Variants in CHURC1 observed in about 807,000 individuals in gnomAD.
CHURC1 encodes the protein protein Churchill.
Under a neutral mutation model 15.4 loss-of-function variants are expected in CHURC1, and 12 were observed. The ratio of observed to expected loss-of-function variants is 0.78; its 90% CI spans 0.50 to 1.27. The LOEUF (loss-of-function observed/expected upper bound fraction) is 1.27, where lower values mean the gene tolerates loss of function less well. CHURC1 is among the 50% of genes most tolerant of loss of function. The probability of loss-of-function intolerance (pLI) is 0.00; values close to 1 mark genes in which losing one functional copy is unlikely to be tolerated. For missense variants in CHURC1, 132 were observed against 137.8 expected, an observed-to-expected ratio of 0.96 and a Z score of 0.21; for synonymous variants, 42 against 47.5, an observed-to-expected ratio of 0.88 and a Z score of 0.48.
intron 3 of CHURC1, among the ~76,000 whole-genome samples, chr14:64,929,973 T>G (rs960709408): frequency 3.3e-5 from 5 of 151,928 alleles, no homozygotes; most frequent in Admixed American, 3.3e-4. Flanking sequence ...ATTGTGTGTT[T>G]ACTTCAAGAA....
In CHURC1 at chr14:64,932,458, C is replaced by G. The variant is rs1202242652; in HGVS notation, c.*228C>G. ...CATCAGTGTAGCCAGAGTGAAGCATCTTTGTTAGCAGTTATGTGGTCAGAA... is the reference window on the plus strand; with the variant it reads ...CATCAGTGTAGCCAGAGTGAAGCATGTTTGTTAGCAGTTATGTGGTCAGAA... On this transcript the variant is annotated 3_prime_UTR_variant, in exon 4 of 4. Coordinates refer to ENST00000549115, the MANE Select transcript of CHURC1 (RefSeq NM_001386928.1). 8.1e-7 allele frequency: 1 copy of G among 1,241,936 alleles called. No individual in the cohort carries two copies. The highest frequency in any genetic ancestry group is 3.4e-5 in the East Asian group (1 of 29,190). 76.9% of individuals were successfully genotyped at this position (1,241,936 alleles called of 1,614,324 possible). A position where few individuals can be genotyped will look rare whatever the true frequency, so the allele number is the denominator to read the frequency against.
chr14:64,917,303 C>T (rs1356327197), intron 1 of CHURC1, among the ~76,000 whole-genome samples: 2 of 152,182 alleles, frequency 1.3e-5, no homozygotes, highest in East Asian at 3.9e-4. Flanking sequence ...TGGCTCACGC[C>T]TATAATCCCA....
Position 64,932,217 on chromosome 14 carries a change from C to G in CHURC1, c.326C>G (p.Thr109Ser), listed in dbSNP as rs1390215227. 1 of 1,614,012 alleles carries G rather than the reference C, an allele frequency of 6.2e-7. No homozygotes were observed. Among genetic ancestry groups the G allele is most frequent in the Non-Finnish European group, 8.5e-7 (1 of 1,179,920 alleles). ...CTCCCTGATGACCCCCGACAAATGA[C>G]TCTCTTATTCTAAGGATCCTTCTAC... ...SILPDDPRQM[T>S]LLF The change falls in exon 4 of 4, where the codon ACT becomes AGT. Residue 109 changes from threonine (T) to serine (S), a missense_variant. Coordinates refer to ENST00000549115, the MANE Select transcript of CHURC1 (RefSeq NM_001386928.1).
In CHURC1 at chr14:64,932,769, A is replaced by G. The variant is rs1360175604; in HGVS notation, c.*539A>G. ...TATTGGGTTATAACCCAAACTATATAATAAATATTTACAAGCCCAAACTAA... is the reference window on the plus strand; with the variant it reads ...TATTGGGTTATAACCCAAACTATATGATAAATATTTACAAGCCCAAACTAA... On this transcript the variant is annotated 3_prime_UTR_variant, in exon 4 of 4. Coordinates refer to ENST00000549115, the MANE Select transcript of CHURC1 (RefSeq NM_001386928.1). 2 of 152,330 alleles carry G rather than the reference A, an allele frequency of 1.3e-5. No homozygotes were observed. Among genetic ancestry groups the G allele is most frequent in the Non-Finnish European group, 2.9e-5 (2 of 68,106 alleles). 9.4% of individuals were successfully genotyped at this position (152,330 alleles called of 1,614,324 possible).
At chr14:64,916,379 G>A (rs1306580165) in intron 1 of CHURC1, among the ~76,000 whole-genome samples, 7 of 152,098 alleles carry the variant, frequency 4.6e-5, no homozygotes. Flanking sequence ...GATTTGGGTG[G>A]TGGTTCTACA....
chr14:64,934,216 G>T lies in CHURC1; in HGVS notation c.*1986G>T, dbSNP rs1340907732. The T allele has an allele frequency of 3.1e-6, 1 of 320,894 alleles. No individual in the cohort carries two copies. The highest frequency in any genetic ancestry group is 1.2e-4 in the South Asian group (1 of 8,048). The allele number at this position is 320,894 out of a possible 1,614,324, so 19.9% of individuals were successfully genotyped here. Reference sequence around the variant, plus strand: ...AAACAAAAATTAGCCAGGGGTGGTGGTATGCACCTGCAGTCCCAGCAACAT... The same window carrying T: ...AAACAAAAATTAGCCAGGGGTGGTGTTATGCACCTGCAGTCCCAGCAACAT... On this transcript the variant is annotated 3_prime_UTR_variant, in exon 4 of 4. Transcript: ENST00000549115.
chr14:64,921,384 A>G (rs1265099059), intron 1 of CHURC1, among the ~76,000 whole-genome samples: 7 of 152,208 alleles, frequency 4.6e-5, no homozygotes, highest in Admixed American at 4.6e-4. Flanking sequence ...CATTAGAAGA[A>G]ACCATCAAAA....
chr14:64,924,605 G>A (rs746856717), intron 2 of CHURC1: 1 of 152,064 alleles, frequency 6.6e-6, no homozygotes, highest in Non-Finnish European at 1.5e-5. Context: ...TGCTCAGAAT[G>A]TCTAGCTTTT....
intron 1 of CHURC1, 108 bp downstream of exon 1, chr14:64,914,642 C>G: frequency 6.4e-7 from 1 of 1,567,918 alleles, no homozygotes; most frequent in Non-Finnish European, 8.7e-7. Context: ...GGCCGCACTG[C>G]CGGTCCCGGT....
chr14:64,930,558 C>T (rs993674857), intron 3 of CHURC1, among the ~76,000 whole-genome samples: 1 of 152,172 alleles, frequency 6.6e-6, no homozygotes, highest in Non-Finnish European at 1.5e-5. Flanking sequence ...TGTAATCAGT[C>T]TCACTGATTT....
Position 64,934,294 on chromosome 14 carries a change from G to A in CHURC1, c.*2064G>A. On this transcript the variant is annotated 3_prime_UTR_variant, in exon 4 of 4. Coordinates refer to ENST00000549115, the MANE Select transcript of CHURC1 (RefSeq NM_001386928.1). ...ACCCGCGACAGGGAGGTTGTGATGA[G>A]CCAAGGTCATGCCACTGCACTCCAG... is the stretch of plus-strand genomic sequence containing the variant. The A allele has an allele frequency of 2.2e-6, 1 of 460,346 alleles. No homozygotes were observed. Among genetic ancestry groups the A allele is most frequent in the Non-Finnish European group, 2.9e-6 (1 of 350,316 alleles). The allele number at this position is 460,346 out of a possible 1,614,324, so 28.5% of individuals were successfully genotyped here.
At chr14:64,920,957 T>C (rs535269761) in intron 1 of CHURC1, among the ~76,000 whole-genome samples, 2 of 152,290 alleles carry the variant, frequency 1.3e-5, no homozygotes, top group African/African-American at 4.8e-5. Flanking sequence ...ATTTAAAGAC[T>C]AACTATAAAA....
At position 64,932,463 on chromosome 14, in the gene CHURC1, T is replaced by C; in HGVS notation, c.*233T>C. ...GTGTAGCCAGAGTGAAGCATCTTTG[T>C]TAGCAGTTATGTGGTCAGAAAACAA... On this transcript the variant is annotated 3_prime_UTR_variant, in exon 4 of 4. Coordinates refer to ENST00000549115, the MANE Select transcript of CHURC1 (RefSeq NM_001386928.1). 8.1e-7 allele frequency: 1 copy of C among 1,232,476 alleles called. No individual in the cohort carries two copies. Among genetic ancestry groups the C allele is most frequent in the African/African-American group, 1.5e-5 (1 of 65,572 alleles). 76.3% of individuals were successfully genotyped at this position (1,232,476 alleles called of 1,614,324 possible). A position where few individuals can be genotyped will look rare whatever the true frequency, so the allele number is the denominator to read the frequency against.
chr14:64,929,959 CA>C, intron 3 of CHURC1, among the ~76,000 whole-genome samples: 1 of 151,280 alleles, frequency 6.6e-6, no homozygotes, highest in African/African-American at 2.4e-5. Flanking sequence ...ACACACACAC[CA>C]AAATTGTGTG....
chr14:64,915,224 C>G (rs1414822224), intron 1 of CHURC1, among the ~76,000 whole-genome samples: 1 of 152,236 alleles, frequency 6.6e-6, no homozygotes, highest in Non-Finnish European at 1.5e-5. Flanking sequence ...TCTCAAATTC[C>G]TGGGATCAAG....
At position 64,933,863 on chromosome 14, in the gene CHURC1, A is replaced by G. The variant is rs2139926090; in HGVS notation, c.*1633A>G. The stretch of plus-strand genomic sequence containing the variant: ...ATCTGAGCTTTATTAAGTACTTACT[A>G]CATGCTAAGAGCTTTTTAAGCACTT... On this transcript the variant is annotated 3_prime_UTR_variant, in exon 4 of 4. Transcript: ENST00000549115. 2.0e-6 allele frequency: 2 copies of G among 984,474 alleles called. No individual in the cohort carries two copies. Among genetic ancestry groups the G allele is most frequent in the Non-Finnish European group, 2.4e-6 (2 of 829,042 alleles). 61.0% of individuals were successfully genotyped at this position (984,474 alleles called of 1,614,324 possible).
At chr14:64,930,795 A>C (rs1229154918) in intron 3 of CHURC1, 1 of 451,132 alleles carries the variant, frequency 2.2e-6, no homozygotes, top group Non-Finnish European at 4.4e-6. Context: ...CTTTTCCTGT[A>C]AAAGGTTGCC....
intron 1 of CHURC1, among the ~76,000 whole-genome samples, chr14:64,922,577 CAAAAAAA>C (rs572205182): frequency 6.8e-4 from 57 of 84,020 alleles, no homozygotes; most frequent in African/African-American, 1.2e-3. Flanking sequence ...GACTCCGTCT[CAAAAAAA>C]AAAAAAAAAA....
chr14:64,931,738 C>T (rs948409609), intron 3 of CHURC1, among the ~76,000 whole-genome samples: 2 of 152,022 alleles, frequency 1.3e-5, no homozygotes, highest in Non-Finnish European at 2.9e-5. Context: ...ATAAAAATAG[C>T]TTTTTCAGTT....
Sources: gnomAD v4.1 joint callset for allele counts (sites outside exome capture counted in the v4.1 genomes callset) on GRCh38, gnomAD v4.1.1 for gene constraint, MANE v1.5 for transcripts, NCBI Gene and HGNC (gene_info 2026-07-23, HGNC 2026-07-21) for gene names.